Variants in C17orf67 observed in about 807,000 individuals in gnomAD.
C17orf67 encodes the protein chromosome 17 open reading frame 67, also known as uncharacterized protein C17orf67.
Under a neutral mutation model 11.2 loss-of-function variants are expected in C17orf67, and 12 were observed. The ratio of observed to expected loss-of-function variants is 1.07; its 90% CI spans 0.68 to 1.73. C17orf67 has a LOEUF of 1.73. C17orf67 is among the 40% of genes most tolerant of loss of function. C17orf67 has a pLI of 0.00. For missense variants in C17orf67, 115 were observed against 113.5 expected (o/e 1.01, Z -0.06); for synonymous variants, 59 against 46.9 (o/e 1.26, Z -1.05).
At chr17:56,827,295 C>T (rs552261004) in intron 2 of C17orf67, among the ~76,000 whole-genome samples, 31 of 152,304 alleles carry the variant, frequency 2.0e-4, no homozygotes, top group African/African-American at 6.7e-4. Context: ...TCTAAGTGAT[C>T]ATAAAATTAA....
intron 6 of C17orf67, among the ~76,000 whole-genome samples, chr17:56,795,476 T>A (rs547008068): frequency 1.3e-5 from 2 of 152,336 alleles, no homozygotes; most frequent in African/African-American, 4.8e-5. Flanking sequence ...ATTTCACTCC[T>A]ACTTTATACC....
At chr17:56,808,215 A>G (rs1025363755) in intron 6 of C17orf67, among the ~76,000 whole-genome samples, 2 of 152,102 alleles carry the variant, frequency 1.3e-5, no homozygotes, top group Non-Finnish European at 2.9e-5. Context: ...CCATTCCCTC[A>G]AGGAACTACT....
intron 6 of C17orf67, among the ~76,000 whole-genome samples, chr17:56,814,101 G>A (rs941427893): frequency 1.3e-5 from 2 of 152,208 alleles, no homozygotes; most frequent in African/African-American, 4.8e-5. Context: ...GCCTCAACAT[G>A]GAGATTCAGG....
chr17:56,830,060 T>C (rs1211073043), intron 2 of C17orf67, among the ~76,000 whole-genome samples: 3 of 152,038 alleles, frequency 2.0e-5, no homozygotes, highest in East Asian at 1.9e-4. Context: ...GTTGAAAAAT[T>C]TGGCCGGGCG....
rs1347001009 is a variant in C17orf67, at chr17:56,833,200, G to A, written c.-859C>T. ...CTCTCTGGATTCCGTGTTTCTTCGG[G>A]GGTGCTGAGCAGCGGTGCTTCCGCG... is the stretch of plus-strand genomic sequence containing the variant. On this transcript the variant is annotated 5_prime_UTR_variant, in exon 2 of 8. Coordinates refer to ENST00000397861, the MANE Select transcript of C17orf67 (RefSeq NM_001085430.4). The A allele has an allele frequency of 6.5e-6, 1 of 153,518 alleles. No homozygotes were observed. The highest frequency in any genetic ancestry group is 1.9e-4 in the South Asian group (1 of 5,238). 9.5% of individuals were successfully genotyped at this position (153,518 alleles called of 1,614,324 possible). A position where few individuals can be genotyped will look rare whatever the true frequency, so the allele number is the denominator to read the frequency against.
intron 5 of C17orf67, 57 bp from the exon 6 acceptor site, chr17:56,815,026 T>C (rs971981653): frequency 5.7e-6 from 8 of 1,398,336 alleles, no homozygotes; most frequent in Admixed American, 5.0e-5. Flanking sequence ...TCATGAGCCA[T>C]CTCAACAGTC....
chr17:56,814,191 T>A (rs997917114), intron 6 of C17orf67, among the ~76,000 whole-genome samples: 1 of 152,146 alleles, frequency 6.6e-6, no homozygotes, highest in African/African-American at 2.4e-5. Flanking sequence ...CCAGACATTC[T>A]AACTTTGCTG....
At chr17:56,793,029 A>G (rs888976960) in intron 7 of C17orf67, among the ~76,000 whole-genome samples, 19 of 150,986 alleles carry the variant, frequency 1.3e-4, no homozygotes, top group African/African-American at 4.6e-4. Context: ...GAAGAACAAG[A>G]AGGAGGAGGA....
At chr17:56,799,122 A>G (rs1905265039) in intron 6 of C17orf67, among the ~76,000 whole-genome samples, 2 of 152,186 alleles carry the variant, frequency 1.3e-5, no homozygotes, top group Non-Finnish European at 2.9e-5. Flanking sequence ...CTGGGGATCA[A>G]ATTTCAACAT....
At chr17:56,805,453 G>A (rs968969628) in intron 6 of C17orf67, among the ~76,000 whole-genome samples, 2 of 151,992 alleles carry the variant, frequency 1.3e-5, no homozygotes, top group East Asian at 3.8e-4. Flanking sequence ...CACTCCTCCT[G>A]CCCCAGCAAC....
chr17:56,796,397 T>C (rs768827901), intron 6 of C17orf67, among the ~76,000 whole-genome samples: 1 of 152,208 alleles, frequency 6.6e-6, no homozygotes, highest in African/African-American at 2.4e-5. Flanking sequence ...TGCTACAACA[T>C]GGATGAACCT....
At chr17:56,794,004 C>G (rs1905163583) in intron 7 of C17orf67, among the ~76,000 whole-genome samples, 1 of 152,206 alleles carries the variant, frequency 6.6e-6, no homozygotes. Flanking sequence ...CACACACACA[C>G]AGGACTGTGC....
At chr17:56,819,625 C>G (rs113818424) in intron 4 of C17orf67, among the ~76,000 whole-genome samples, 6 of 152,086 alleles carry the variant, frequency 3.9e-5, no homozygotes, top group African/African-American at 1.4e-4. Flanking sequence ...GCAGGGCCAT[C>G]AAATGCCCTT....
intron 6 of C17orf67, among the ~76,000 whole-genome samples, chr17:56,804,808 T>C (rs986330169): frequency 7.2e-5 from 11 of 152,222 alleles, no homozygotes; most frequent in Non-Finnish European, 1.3e-4. Context: ...CATTCATCTT[T>C]TTAAAGAATT....
intron 4 of C17orf67, among the ~76,000 whole-genome samples, chr17:56,818,525 C>CA (rs1212272213): frequency 1.3e-5 from 2 of 150,496 alleles, no homozygotes; most frequent in Non-Finnish European, 3.0e-5. Flanking sequence ...ACCCTGTCTC[C>CA]AAAAAAAAAT....
At chr17:56,827,593 T>G (rs944440768) in intron 2 of C17orf67, among the ~76,000 whole-genome samples, 1 of 152,250 alleles carries the variant, frequency 6.6e-6, no homozygotes, top group South Asian at 2.1e-4. Context: ...GTGATCTCAG[T>G]CCCACTATTG....
chr17:56,814,981 G>T lies in C17orf67; in HGVS notation c.56-12C>A. ...AATCGGGGAGGTCTCTGGAAAAGTC[G>T]GGAAGGTGCCTTAAGGACACTCAGG... On this transcript the variant is annotated splice_polypyrimidine_tract_variant and intron_variant, in intron 5 of 7. Transcript: ENST00000397861. 1.2e-6 allele frequency: 2 copies of T among 1,611,248 alleles called. No individual in the cohort carries two copies. Among genetic ancestry groups the T allele is most frequent in the South Asian group, 1.1e-5 (1 of 90,964 alleles).
chr17:56,819,803 G>A (rs1015894367), intron 4 of C17orf67, among the ~76,000 whole-genome samples: 2 of 152,142 alleles, frequency 1.3e-5, no homozygotes, highest in South Asian at 2.1e-4. Flanking sequence ...GAGGTGAGTC[G>A]GCAAGGCTCC....
chr17:56,801,309 G>A (rs1379682814), intron 6 of C17orf67, among the ~76,000 whole-genome samples: 2 of 152,128 alleles, frequency 1.3e-5, no homozygotes, highest in Non-Finnish European at 2.9e-5. Flanking sequence ...AATTGTTTTT[G>A]GCATGTATCA....
Sources: gnomAD v4.1 joint callset for allele counts (sites outside exome capture counted in the v4.1 genomes callset) on GRCh38, gnomAD v4.1.1 for gene constraint, MANE v1.5 for transcripts, NCBI Gene and HGNC (gene_info 2026-07-23, HGNC 2026-07-21) for gene names.